DAP3: variants seen among roughly 807,000 people sequenced by gnomAD.
The protein encoded by DAP3 is small ribosomal subunit protein mS29.
DAP3 carries 28 observed loss-of-function variants against 51.9 expected under a neutral mutation model. That is an observed-to-expected ratio of 0.54 (90% confidence interval 0.40 to 0.74). The LOEUF (loss-of-function observed/expected upper bound fraction) is 0.74. DAP3 is among the 30% of genes least tolerant of loss of function. The probability of loss-of-function intolerance (pLI) is 0.00; values close to 1 mark genes in which losing one functional copy is unlikely to be tolerated. For synonymous variants in DAP3, 170 were observed against 170.3 expected (o/e 1.00, Z 0.01); for missense variants, 458 against 483.5 (o/e 0.95, Z 0.49).
intron 1 of DAP3, among the ~76,000 whole-genome samples, chr1:155,703,518 A>G (rs1260556116): frequency 6.6e-6 from 1 of 152,140 alleles, no homozygotes; most frequent in African/African-American, 2.4e-5. Context: ...TTGGGTGAGG[A>G]CACAGCCAAA....
chr1:155,717,810 G>T (rs973179064), intron 3 of DAP3, among the ~76,000 whole-genome samples: 1 of 152,136 alleles, frequency 6.6e-6, no homozygotes, highest in African/African-American at 2.4e-5. Flanking sequence ...GAGAAGAGCA[G>T]CATTTAAAGT....
At chr1:155,732,510 C>T (rs994713725) in intron 11 of DAP3, among the ~76,000 whole-genome samples, 1 of 152,058 alleles carries the variant, frequency 6.6e-6, no homozygotes, top group African/African-American at 2.4e-5. Flanking sequence ...GGATTATAGG[C>T]GTGAGCCACG....
chr1:155,688,924 A>C, upstream of DAP3: 1 of 1,613,044 alleles, frequency 6.2e-7, no homozygotes, highest in Admixed American at 1.7e-5. Flanking sequence ...TCCCATGACA[A>C]CCTACCTCCC....
chr1:155,715,785 C>T (rs575229809), intron 2 of DAP3, among the ~76,000 whole-genome samples: 2 of 152,204 alleles, frequency 1.3e-5, no homozygotes, highest in African/African-American at 4.8e-5. Context: ...CGAAATCCGC[C>T]CCCTTCCCCT....
At chr1:155,705,082 A>T (rs986188364) in intron 1 of DAP3, among the ~76,000 whole-genome samples, 2 of 151,978 alleles carry the variant, frequency 1.3e-5, no homozygotes, top group Non-Finnish European at 2.9e-5. Flanking sequence ...ACTTGAGTCC[A>T]GGAGTTCAAG....
At chr1:155,706,076 A>G (rs1050083948) in intron 1 of DAP3, among the ~76,000 whole-genome samples, 2 of 152,038 alleles carry the variant, frequency 1.3e-5, no homozygotes, top group Admixed American at 6.6e-5. Context: ...TGGCATGATC[A>G]TAGCTCTTTA....
intron 12 of DAP3, among the ~76,000 whole-genome samples, chr1:155,737,694 G>A (rs577995669): frequency 3.3e-4 from 50 of 152,148 alleles, no homozygotes; most frequent in Non-Finnish European, 6.2e-4. Context: ...GGAGGGCAAG[G>A]TGGGAAGACC....
chr1:155,700,506 G>A (rs1655058544), intron 1 of DAP3, among the ~76,000 whole-genome samples: 1 of 115,854 alleles, frequency 8.6e-6, no homozygotes, highest in African/African-American at 5.7e-5. Flanking sequence ...TAGAAAACTT[G>A]AGGGAGGTGG....
At chr1:155,698,768 C>T (rs1294708298) in intron 1 of DAP3, among the ~76,000 whole-genome samples, 1 of 152,224 alleles carries the variant, frequency 6.6e-6, no homozygotes, top group Non-Finnish European at 1.5e-5. Context: ...CACCACTACG[C>T]TTCAAGAGCT....
rs35138415 is a variant in DAP3 at position 155,735,838 on chromosome 1, A to ATT, written c.994-1087_994-1086dup. 2.5e-3 allele frequency among the ~76,000 whole-genome samples: 206 copies of ATT among 82,448 alleles called. 2 individuals carry two copies. The highest frequency in any genetic ancestry group is 8.3e-3 in the African/African-American group (162 of 19,430). 54.1% of individuals were successfully genotyped at this position (82,448 alleles called of 152,430 possible). ...AGGCACGCATCACCACGCCTGGCTA[A>ATT]TTTTTTTTTTTTTTTTTTTTTTGAG... is the stretch of plus-strand genomic sequence containing the variant. On this transcript the variant is annotated intron_variant, in intron 11 of 12. Coordinates refer to ENST00000368336, the MANE Select transcript of DAP3 (RefSeq NM_004632.4).
intron 1 of DAP3, among the ~76,000 whole-genome samples, chr1:155,708,755 A>G (rs1314340556): frequency 4.3e-5 from 6 of 139,756 alleles, no homozygotes; most frequent in Non-Finnish European, 9.1e-5. Flanking sequence ...CCCAGGCTGG[A>G]GTGCAGTGGC....
At chr1:155,716,242 A>G (rs1009739898) in intron 2 of DAP3, among the ~76,000 whole-genome samples, 2 of 152,236 alleles carry the variant, frequency 1.3e-5, no homozygotes, top group Non-Finnish European at 2.9e-5. Flanking sequence ...TGAATTTTAA[A>G]TAATAACAGG....
upstream of DAP3, chr1:155,688,509 C>G (rs1653043544): frequency 4.5e-6 from 7 of 1,547,268 alleles, no homozygotes; most frequent in Non-Finnish European, 6.1e-6. Context: ...TCTACGGGCT[C>G]GTCGCTGGCT....
intron 11 of DAP3, among the ~76,000 whole-genome samples, chr1:155,736,403 C>A (rs1482506627): frequency 6.6e-6 from 1 of 152,108 alleles, no homozygotes; most frequent in Non-Finnish European, 1.5e-5. Flanking sequence ...TAGCATCCGC[C>A]TCCTCAAGCA....
chr1:155,707,829 A>G (rs1174689137), intron 1 of DAP3, among the ~76,000 whole-genome samples: 1 of 152,150 alleles, frequency 6.6e-6, no homozygotes, highest in Admixed American at 6.6e-5. Context: ...GTCATGCCAG[A>G]TGTAATAGCG....
intron 4 of DAP3, among the ~76,000 whole-genome samples, chr1:155,725,175 C>CA (rs1658433124): frequency 1.3e-5 from 2 of 152,092 alleles, no homozygotes; most frequent in Non-Finnish European, 2.9e-5. Context: ...TATCATGTTA[C>CA]TTAGTGCGGA....
chr1:155,702,255 G>T (rs970067365), intron 1 of DAP3, among the ~76,000 whole-genome samples: 13 of 151,848 alleles, frequency 8.6e-5, no homozygotes, highest in Non-Finnish European at 1.8e-4. Flanking sequence ...GGATCATGAG[G>T]TCAGGAGATC....
At chr1:155,705,241 G>C (rs180681538) in intron 1 of DAP3, among the ~76,000 whole-genome samples, 1 of 152,070 alleles carries the variant, frequency 6.6e-6, no homozygotes, top group African/African-American at 2.4e-5. Context: ...AGCTGTGATT[G>C]TGCCACTGTA....
intron 10 of DAP3, 120 bp downstream of exon 10, chr1:155,731,535 G>A (rs1037086872): frequency 3.1e-6 from 3 of 974,812 alleles, no homozygotes; most frequent in African/African-American, 3.3e-5. Flanking sequence ...AAGTTATTAT[G>A]TCTTATTTAA....
Sources: gnomAD v4.1 joint callset for allele counts (sites outside exome capture counted in the v4.1 genomes callset) on GRCh38, gnomAD v4.1.1 for gene constraint, MANE v1.5 for transcripts, NCBI Gene and HGNC (gene_info 2026-07-23, HGNC 2026-07-21) for gene names.